The following GFOD1 variants were observed in gnomAD, a reference collection of about 807,000 sequenced individuals.
GFOD1 encodes the protein glucose-fructose oxidoreductase domain-containing protein 1.
GFOD1 carries 9 observed loss-of-function variants against 25.4 expected under a neutral mutation model. The observed-to-expected ratio is 0.35, with a 90% CI of 0.21 to 0.62. GFOD1 has a LOEUF of 0.62. Ranked by LOEUF, GFOD1 falls within the 20% of genes least tolerant of loss-of-function variation. GFOD1 has a pLI of 0.72. For synonymous variants in GFOD1, 253 were observed against 245.6 expected, an observed-to-expected ratio of 1.03 and a Z score of -0.28; for missense variants, 403 against 556.9, an observed-to-expected ratio of 0.72 and a Z score of 2.78.
intron 1 of GFOD1, among the ~76,000 whole-genome samples, chr6:13,446,580 A>G (rs1046715831): frequency 5.3e-5 from 8 of 152,174 alleles, no homozygotes; most frequent in African/African-American, 1.9e-4. Context: ...GCCACCTGCT[A>G]ATCCTAAAGT....
intron 1 of GFOD1, among the ~76,000 whole-genome samples, chr6:13,465,743 C>A (rs1758369366): frequency 6.6e-6 from 1 of 152,114 alleles, no homozygotes; most frequent in Non-Finnish European, 1.5e-5. Context: ...AGCTGAGGGA[C>A]CCCTGTTAAG....
chr6:13,420,123 G>T (rs570514140), intron 1 of GFOD1, among the ~76,000 whole-genome samples: 1 of 151,122 alleles, frequency 6.6e-6, no homozygotes, highest in African/African-American at 2.5e-5. Context: ...CTTCTGGCTC[G>T]CATGGGATCC....
rs1202029888 is a variant in GFOD1, at chr6:13,469,946, G to A, written c.253+16692C>T. 3.8e-6 allele frequency: 5 copies of A among 1,305,556 alleles called. No homozygotes were observed. In the African/African-American group the frequency reaches 6.1e-5, roughly 16 times the overall value. 80.9% of individuals were successfully genotyped at this position (1,305,556 alleles called of 1,614,324 possible). ...TTTCTCTTCTCTTTCCAAAAGTGAT[G>A]AGTAGGTTCTGGATAGATGATGAGT... On this transcript the variant is annotated intron_variant, in intron 1 of 1. Transcript: ENST00000379287.
intron 1 of GFOD1, among the ~76,000 whole-genome samples, chr6:13,393,664 A>C (rs750999090): frequency 3.3e-5 from 5 of 152,184 alleles, no homozygotes; most frequent in Non-Finnish European, 5.9e-5. Context: ...TAATTTTTAA[A>C]AAAATCATTG....
At chr6:13,403,522 A>G (rs1428300153) in intron 1 of GFOD1, among the ~76,000 whole-genome samples, 1 of 152,234 alleles carries the variant, frequency 6.6e-6, no homozygotes, top group African/African-American at 2.4e-5. Flanking sequence ...TATTGCACTA[A>G]ATACTGTAGG....
At chr6:13,477,228 T>TGTGTGCGC (rs1554206450) in intron 1 of GFOD1, among the ~76,000 whole-genome samples, 3 of 148,604 alleles carry the variant, frequency 2.0e-5, no homozygotes, top group Non-Finnish European at 4.5e-5. Context: ...TGTGTGTGTG[T>TGTGTGCGC]GTGTGTGTGT....
intron 1 of GFOD1, among the ~76,000 whole-genome samples, chr6:13,368,047 T>C (rs1441678989): frequency 5.3e-5 from 8 of 152,128 alleles, no homozygotes; most frequent in East Asian, 1.9e-4. Flanking sequence ...TGAGCTAAGA[T>C]GGGGTTTTGT....
chr6:13,424,956 C>CT (rs571287840), intron 1 of GFOD1, among the ~76,000 whole-genome samples: 3,343 of 123,786 alleles, frequency 0.027, 65 homozygotes, highest in African/African-American at 0.032. Context: ...ACATTTAATT[C>CT]TTTTTTTTTT....
At chr6:13,382,828 C>T (rs1197396048) in intron 1 of GFOD1, among the ~76,000 whole-genome samples, 1 of 152,276 alleles carries the variant, frequency 6.6e-6, no homozygotes, top group East Asian at 1.9e-4. Context: ...CCCAACCCTA[C>T]TCCCCAACAG....
chr6:13,486,579 A>C (rs1584681099), intron 1 of GFOD1, 59 bp downstream of exon 1: 1 of 1,365,674 alleles, frequency 7.3e-7, no homozygotes, highest in South Asian at 1.2e-5. Flanking sequence ...GGGGGAAGGA[A>C]CCTAGAGAAG....
At chr6:13,404,628 G>A (rs1328491160) in intron 1 of GFOD1, among the ~76,000 whole-genome samples, 1 of 152,160 alleles carries the variant, frequency 6.6e-6, no homozygotes, top group African/African-American at 2.4e-5. Flanking sequence ...ACAGGAACTC[G>A]GTATGAGCTA....
intron 1 of GFOD1, chr6:13,486,039 G>A: frequency 2.0e-6 from 2 of 983,348 alleles, no homozygotes; most frequent in Non-Finnish European, 1.2e-6. Context: ...AATTCCAGCC[G>A]ATGGTAACAT....
At chr6:13,480,759 T>C (rs1758732403) in intron 1 of GFOD1, among the ~76,000 whole-genome samples, 1 of 152,144 alleles carries the variant, frequency 6.6e-6, no homozygotes, top group Non-Finnish European at 1.5e-5. Context: ...AGTGCTGGGA[T>C]TATAGGTGTA....
In GFOD1 at chr6:13,362,461, CAA is replaced by C. The variant is rs770325894; in HGVS notation, c.*2280_*2281del. 2,004 of 80,836 alleles carry C rather than the reference CAA, an allele frequency of 0.025. 45 individuals are homozygous for C. Among genetic ancestry groups the C allele is most frequent in the African/African-American group, 0.061 (1,744 of 28,596 alleles). The allele number at this position is 80,836 out of a possible 1,614,324, so 5.0% of individuals were successfully genotyped here. The stretch of plus-strand genomic sequence containing the variant: ...TGGGTGACAGAGCGAGACTCCATTT[CAA>C]AAAAAAAAAAAAAAAAAGAAGAAGA... On this transcript the variant is annotated 3_prime_UTR_variant, in exon 2 of 2. Transcript: ENST00000379287.
chr6:13,429,518 A>G (rs1263308567), intron 1 of GFOD1, among the ~76,000 whole-genome samples: 1 of 152,216 alleles, frequency 6.6e-6, no homozygotes, highest in Non-Finnish European at 1.5e-5. Flanking sequence ...ACTGCTAGCC[A>G]AAAACCAGGA....
intron 1 of GFOD1, among the ~76,000 whole-genome samples, chr6:13,446,607 T>C (rs1265409601): frequency 6.6e-6 from 1 of 152,128 alleles, no homozygotes; most frequent in Non-Finnish European, 1.5e-5. Flanking sequence ...TCAAGCAGCG[T>C]CAGCAAACAC....
intron 1 of GFOD1, among the ~76,000 whole-genome samples, chr6:13,369,728 T>C (rs1785112749): frequency 6.6e-6 from 1 of 152,206 alleles, no homozygotes; most frequent in Non-Finnish European, 1.5e-5. Context: ...TCAACTGTCA[T>C]GCAGCCATAT....
chr6:13,385,141 C>G (rs1214291401), intron 1 of GFOD1, among the ~76,000 whole-genome samples: 1 of 152,144 alleles, frequency 6.6e-6, no homozygotes, highest in Non-Finnish European at 1.5e-5. Context: ...GTGCAGATAA[C>G]CTGGTTGCTT....
At chr6:13,417,093 C>T (rs933390930) in intron 1 of GFOD1, among the ~76,000 whole-genome samples, 1 of 152,206 alleles carries the variant, frequency 6.6e-6, no homozygotes, top group African/African-American at 2.4e-5. Context: ...CCATTATAAA[C>T]ACTGCACAAT....
Sources: gnomAD v4.1 joint callset for allele counts (sites outside exome capture counted in the v4.1 genomes callset) on GRCh38, gnomAD v4.1.1 for gene constraint, MANE v1.5 for transcripts, NCBI Gene and HGNC (gene_info 2026-07-23, HGNC 2026-07-21) for gene names.